STAG3: variants seen among roughly 807,000 people sequenced by gnomAD.
The protein encoded by STAG3 is STAG3 cohesin complex component.
STAG3 carries 101 observed loss-of-function variants against 160.7 expected under a neutral mutation model. That is an observed-to-expected ratio of 0.63 (90% CI 0.54 to 0.74). The LOEUF (loss-of-function observed/expected upper bound fraction) is 0.74, where lower values mean the gene tolerates loss of function less well. STAG3 is among the 30% of genes least tolerant of loss of function. STAG3 has a pLI of 0.00. For missense variants in STAG3, 1,188 were observed against 1,517.4 expected (o/e 0.78, Z 3.61); for synonymous variants, 519 against 585.0 (o/e 0.89, Z 1.63).
downstream of STAG3, among the ~76,000 whole-genome samples, chr7:100,215,964 G>T (rs1054518063): frequency 2.0e-5 from 3 of 152,232 alleles, no homozygotes; most frequent in African/African-American, 7.2e-5. Context: ...AGCAAGGCCA[G>T]CAGCCAAAGG....
rs1799883680 is a variant in STAG3, at chr7:100,184,688, G to T, written c.337-1512G>T. 1.3e-5 allele frequency among the ~76,000 whole-genome samples: 2 copies of T among 152,050 alleles called. 1 individual carries two copies. The highest frequency in any genetic ancestry group is 4.1e-4 in the South Asian group (2 of 4,822). ...TCACCGTGTTGGCCGGGATGGTCTC[G>T]ATCTTTTGACCTCGTGATCCGCCGG... On this transcript the variant is annotated intron_variant, in intron 4 of 33. Transcript: ENST00000615138.
chr7:100,206,139 C>A (rs905357155), intron 29 of STAG3, among the ~76,000 whole-genome samples: 2 of 151,168 alleles, frequency 1.3e-5, no homozygotes. Context: ...CTCAGCCTCC[C>A]GAGTAGCTGG....
chr7:100,210,956 G>A lies in STAG3; in HGVS notation c.3239-55G>A, dbSNP rs958260862. The A allele has an allele frequency of 9.6e-6, 15 of 1,561,006 alleles. No homozygotes were observed. In the African/African-American group the frequency reaches 2.0e-4, roughly 21 times the overall value. On this transcript the variant is annotated intron_variant, in intron 29 of 33. Coordinates refer to ENST00000615138, the MANE Select transcript of STAG3 (RefSeq NM_001282717.2). ...AAATCCTGGGCAGGTCTTGGAAAGA[G>A]AGCACACCTGTCGCAGGCCCTGGGC... is the stretch of plus-strand genomic sequence containing the variant.
intron 4 of STAG3, 26 bp from the exon 5 acceptor site, chr7:100,186,173 GA>G: frequency 6.4e-7 from 1 of 1,571,914 alleles, no homozygotes; most frequent in East Asian, 2.2e-5. Context: ...GCCAGAAACA[GA>G]AGTCATCTAC....
In STAG3 at chr7:100,200,312, C is replaced by G. The variant is rs1206744661; in HGVS notation, c.1754C>G (p.Pro585Arg). 6.2e-7 allele frequency: 1 copy of G among 1,613,888 alleles called. No individual in the cohort carries two copies. The highest frequency in any genetic ancestry group is 8.5e-7 in the Non-Finnish European group (1 of 1,179,936). ...KLTEHLIPLL[P>R]QLLAKFSADA... ...ACTGAGCACCTCATCCCCCTGCTGC[C>G]CCAGCTCCTGGCCAAGGTACCGCTG... Residue 585 changes from proline (P) to arginine (R), a missense_variant, in exon 17 of 34, where the codon CCC becomes CGC. Around this residue, in one of 4 missense-constraint regions of STAG3, gnomAD observed 240 missense variants for 358.1 expected, o/e 0.67. Coordinates refer to ENST00000615138, the MANE Select transcript of STAG3 (RefSeq NM_001282717.2).
At chr7:100,192,579 T>G (rs1214907173) in intron 8 of STAG3, among the ~76,000 whole-genome samples, 6 of 152,114 alleles carry the variant, frequency 3.9e-5, no homozygotes, top group Admixed American at 3.9e-4. Context: ...GACGGGGGGT[T>G]GAGTTTTTCT....
chr7:100,179,137 C>G (rs1799468828), intron 1 of STAG3, among the ~76,000 whole-genome samples: 1 of 149,830 alleles, frequency 6.7e-6, no homozygotes, highest in East Asian at 2.0e-4. Context: ...ACCCTGGGCA[C>G]CTTGCCTTTT....
chr7:100,202,338 G>A lies in STAG3; in HGVS notation c.2561G>A (p.Ser854Asn), dbSNP rs773045687. 2 of 1,614,092 alleles carry A rather than the reference G, an allele frequency of 1.2e-6. No individual in the cohort carries two copies. The highest frequency in any genetic ancestry group is 1.7e-6 in the Non-Finnish European group (2 of 1,180,004). The change falls in exon 24 of 34, where the codon AGT becomes AAT. Residue 854 changes from serine (S) to asparagine (N), a missense_variant and splice_region_variant. Coordinates refer to ENST00000615138, the MANE Select transcript of STAG3 (RefSeq NM_001282717.2). ...TTCATCCAGCCGGGAGACCTGGGCAGTGGTGCAGTGACTCTATACCTGGGG... is the reference window on the plus strand; with the variant it reads ...TTCATCCAGCCGGGAGACCTGGGCAATGGTGCAGTGACTCTATACCTGGGG... ...HVFIQPGDLGSGDSQEDHLQI... is the reference protein window; with the variant it reads ...HVFIQPGDLGNGDSQEDHLQI...
intron 21 of STAG3, 83 bp downstream of exon 21, chr7:100,201,434 C>T (rs1801122576): frequency 7.2e-6 from 9 of 1,243,378 alleles, no homozygotes; most frequent in Non-Finnish European, 1.1e-5. Context: ...CTAGGTGTGT[C>T]AAGTCTCAGT....
intron 29 of STAG3, among the ~76,000 whole-genome samples, chr7:100,206,911 G>C (rs555557808): frequency 6.6e-6 from 1 of 152,238 alleles, no homozygotes; most frequent in Non-Finnish European, 1.5e-5. Context: ...CCCAGCCTTA[G>C]GTAGTATCAC....
chr7:100,203,661 C>A (rs971702363), intron 25 of STAG3, among the ~76,000 whole-genome samples: 1 of 151,812 alleles, frequency 6.6e-6, no homozygotes, highest in African/African-American at 2.4e-5. Flanking sequence ...ACTACAGGCA[C>A]CCACCACCAC....
At chr7:100,182,265 A>G in intron 3 of STAG3, 73 bp downstream of exon 3, 1 of 1,116,094 alleles carries the variant, frequency 9.0e-7, no homozygotes, top group Non-Finnish European at 1.3e-6. Context: ...AGGCTGAGGC[A>G]GGAGAATGGC....
chr7:100,218,173 A>G (rs2117665371), downstream of STAG3: 1 of 151,922 alleles, frequency 6.6e-6, no homozygotes, highest in Non-Finnish European at 1.4e-5. Context: ...CGGGCATGAC[A>G]GAGGGTTCAC....
In STAG3 at chr7:100,200,296, C is replaced by T. The variant is rs768231456; in HGVS notation, c.1738C>T (p.Leu580Phe). The T allele has an allele frequency of 6.2e-7, 1 of 1,613,822 alleles. No homozygotes were observed. Among genetic ancestry groups the T allele is most frequent in the Non-Finnish European group, 8.5e-7 (1 of 1,179,952 alleles). ...TGACAGGGTGAAGTTGACTGAGCAC[C>T]TCATCCCCCTGCTGCCCCAGCTCCT... ...ADDRVKLTEH[L>F]IPLLPQLLAK... Residue 580 changes from leucine to phenylalanine, a missense_variant, in exon 17 of 34, where the codon CTC becomes TTC. Around this residue, in one of 4 missense-constraint regions of STAG3, gnomAD observed 240 missense variants for 358.1 expected, o/e 0.67. Transcript: ENST00000615138.
intron 32 of STAG3, 68 bp from the exon 33 acceptor site, chr7:100,213,667 G>A: frequency 6.2e-7 from 1 of 1,611,612 alleles, no homozygotes; most frequent in Non-Finnish European, 8.5e-7. Context: ...AAAGGAACTG[G>A]TTTTTTTATT....
intron 2 of STAG3, chr7:100,180,880 GTTT>G: frequency 2.5e-3 from 547 of 221,350 alleles, no homozygotes; most frequent in South Asian, 6.0e-3. Context: ...AGTACATCCT[GTTT>G]TTTTTTTTTT....
At chr7:100,218,519 T>TA, downstream of STAG3, 1 of 276,696 alleles carries the variant, frequency 3.6e-6, no homozygotes, top group South Asian at 3.8e-5. Flanking sequence ...AATAAGGCTT[T>TA]ACCTTTTTTA....
rs1330215206 is a variant in STAG3, at chr7:100,214,357, C to T, written c.*342C>T. The T allele has an allele frequency of 8.3e-6, 3 of 362,924 alleles. No homozygotes were observed. The highest frequency in any genetic ancestry group is 1.5e-5 in the Non-Finnish European group (3 of 198,858). 22.5% of individuals were successfully genotyped at this position (362,924 alleles called of 1,614,324 possible). A position where few individuals can be genotyped will look rare whatever the true frequency, so the allele number is the denominator to read the frequency against. On this transcript the variant is annotated 3_prime_UTR_variant, in exon 34 of 34. Coordinates refer to ENST00000615138, the MANE Select transcript of STAG3 (RefSeq NM_001282717.2). ...CAGCCTATTTTGTGTCCTAATGATTCGCTCAATAAACATGTTTGAATCCAC... is the reference window on the plus strand; with the variant it reads ...CAGCCTATTTTGTGTCCTAATGATTTGCTCAATAAACATGTTTGAATCCAC...
intron 4 of STAG3, among the ~76,000 whole-genome samples, chr7:100,185,809 T>C (rs1170926023): frequency 6.6e-6 from 1 of 152,156 alleles, no homozygotes; most frequent in African/African-American, 2.4e-5. Context: ...GTAGGTTTAG[T>C]GTTCAATCTG....
Sources: allele counts gnomAD v4.1 joint callset (sites outside exome capture counted in the v4.1 genomes callset), GRCh38; gene constraint gnomAD v4.1.1; regional missense constraint gnomAD v4.1.1; transcripts MANE v1.5; gene names NCBI Gene and HGNC (gene_info 2026-07-23, HGNC 2026-07-21).